MVB12B: variants seen among roughly 807,000 people sequenced by gnomAD.
The protein encoded by MVB12B is multivesicular body subunit 12B.
In MVB12B, 16 loss-of-function variants were observed where a neutral mutation model predicts 41.6. That is an observed-to-expected ratio of 0.38 (90% confidence interval 0.26 to 0.58). The LOEUF (loss-of-function observed/expected upper bound fraction) is 0.58. Ranked by LOEUF, MVB12B falls within the 20% of genes least tolerant of loss-of-function variation. MVB12B has a pLI of 0.62. For synonymous variants in MVB12B, 133 were observed against 139.7 expected (o/e 0.95, Z 0.34); for missense variants, 274 against 380.2 (o/e 0.72, Z 2.32).
chr9:126,448,167 GC>G (rs1832825339), intron 7 of MVB12B: 1 of 154,712 alleles, frequency 6.5e-6, no homozygotes, highest in Non-Finnish European at 1.4e-5. Context: ...CTCCCTGGCA[GC>G]TCCTGTCCTC....
At chr9:126,424,641 C>T (rs367773270) in intron 7 of MVB12B, among the ~76,000 whole-genome samples, 2 of 152,372 alleles carry the variant, frequency 1.3e-5, no homozygotes, top group African/African-American at 4.8e-5. Flanking sequence ...AGACACTGTG[C>T]ATTCTGCCGA....
At chr9:126,423,816 C>T (rs1206414201) in intron 7 of MVB12B, among the ~76,000 whole-genome samples, 1 of 152,244 alleles carries the variant, frequency 6.6e-6, no homozygotes, top group East Asian at 1.9e-4. Flanking sequence ...GACCACCTCC[C>T]TTACCCCCAT....
In MVB12B at chr9:126,489,137, C is replaced by T. The variant is rs188623726; in HGVS notation, c.873+5105C>T. 4.6e-5 allele frequency among the ~76,000 whole-genome samples: 7 copies of T among 152,340 alleles called. No individual in the cohort carries two copies. The East Asian group carries it at 9.6e-4, about 21-fold the overall frequency. Reference sequence around the variant, plus strand: ...CTCCTGGGCCCGGACAGCCAGGCTGCCCTGGAGAACTGGAAGGGGAATGAG... The same window carrying T: ...CTCCTGGGCCCGGACAGCCAGGCTGTCCTGGAGAACTGGAAGGGGAATGAG... On this transcript the variant is annotated intron_variant, in intron 9 of 9. Transcript: ENST00000361171.
At chr9:126,363,430 C>T (rs1231983509) in intron 2 of MVB12B, among the ~76,000 whole-genome samples, 2 of 152,024 alleles carry the variant, frequency 1.3e-5, no homozygotes, top group Non-Finnish European at 2.9e-5. Flanking sequence ...GACCTGTGGA[C>T]TAAGCAAATA....
intron 9 of MVB12B, among the ~76,000 whole-genome samples, chr9:126,496,280 CCCTTCCACCCAT>C (rs1483187964): frequency 1.4e-5 from 2 of 138,766 alleles, no homozygotes; most frequent in African/African-American, 5.5e-5. Context: ...GCCCCACCCA[CCCTTCCACCCAT>C]CCATACACCT....
intron 7 of MVB12B, among the ~76,000 whole-genome samples, chr9:126,471,557 G>A (rs1833315970): frequency 6.6e-6 from 1 of 152,188 alleles, no homozygotes; most frequent in South Asian, 2.1e-4. Context: ...CAGCTCTGGA[G>A]GCATCTACAA....
At chr9:126,401,114 G>A (rs914197977) in intron 6 of MVB12B, among the ~76,000 whole-genome samples, 1 of 152,152 alleles carries the variant, frequency 6.6e-6, no homozygotes, top group African/African-American at 2.4e-5. Flanking sequence ...ACAGACCCCA[G>A]GCCATGGGCA....
intron 6 of MVB12B, among the ~76,000 whole-genome samples, chr9:126,418,676 C>T (rs114797598): frequency 3.6e-4 from 55 of 152,276 alleles, no homozygotes; most frequent in African/African-American, 1.1e-3. Context: ...CACCGTCTTC[C>T]TGGCCTTCTA....
intron 9 of MVB12B, 81 bp downstream of exon 9, chr9:126,484,113 A>C: frequency 7.4e-7 from 1 of 1,342,794 alleles, no homozygotes; most frequent in South Asian, 1.2e-5. Context: ...TCCCCTAGGG[A>C]TCCACTCCAA....
chr9:126,457,683 G>A (rs1253808508), intron 7 of MVB12B, among the ~76,000 whole-genome samples: 2 of 152,044 alleles, frequency 1.3e-5, no homozygotes, highest in Non-Finnish European at 2.9e-5. Flanking sequence ...TCCGCATTTT[G>A]TCACACCTCA....
rs1588196024 is a variant in MVB12B, at chr9:126,468,595, A to T, written c.758-12774A>T. 6.6e-6 allele frequency among the ~76,000 whole-genome samples: 1 copy of T among 151,820 alleles called. No homozygotes were observed. Among genetic ancestry groups the T allele is most frequent in the East Asian group, 1.9e-4 (1 of 5,136 alleles). ...AAATGTCCCTTGGCCTTCCCCAGCC[A>T]CTCCATTCTTACTGCCACTGCCCTC... On this transcript the variant is annotated intron_variant, in intron 7 of 9. Transcript: ENST00000361171. This position sits in a 1 kb window ranked among gnomAD's most constrained non-coding sequence, Gnocchi z 4.3.
intron 1 of MVB12B, among the ~76,000 whole-genome samples, chr9:126,332,957 C>T (rs997172687): frequency 6.6e-5 from 10 of 152,188 alleles, no homozygotes; most frequent in African/African-American, 2.2e-4. Flanking sequence ...TATGTGTGCA[C>T]GAGTGCATGT....
chr9:126,385,523 GTTGCTGTCCAGGGCAGAGTGA>G (rs1187074119), intron 3 of MVB12B, among the ~76,000 whole-genome samples: 1 of 152,188 alleles, frequency 6.6e-6, no homozygotes, highest in Non-Finnish European at 1.5e-5. Flanking sequence ...AGCCTGAGAA[GTTGCTGTCCAGGGCAGAGTGA>G]TGGCTGACCA....
chr9:126,432,764 T>A (rs1179779789), intron 7 of MVB12B, among the ~76,000 whole-genome samples: 1 of 152,164 alleles, frequency 6.6e-6, no homozygotes, highest in Non-Finnish European at 1.5e-5. Context: ...CTGCAGACAT[T>A]GAGCTCGAAA....
chr9:126,482,360 C>T (rs963435132), intron 8 of MVB12B, among the ~76,000 whole-genome samples: 1 of 152,266 alleles, frequency 6.6e-6, no homozygotes, highest in South Asian at 2.1e-4. Context: ...TAAAACCACC[C>T]GGCTTGCGAT....
chr9:126,350,932 G>A (rs1829729044), intron 2 of MVB12B, among the ~76,000 whole-genome samples: 1 of 152,094 alleles, frequency 6.6e-6, no homozygotes, highest in Admixed American at 6.6e-5. Flanking sequence ...AACTTGTTGG[G>A]GTTTTAATGG....
chr9:126,382,964 G>A (rs1244964566), intron 3 of MVB12B, among the ~76,000 whole-genome samples: 2 of 152,216 alleles, frequency 1.3e-5, no homozygotes, highest in African/African-American at 2.4e-5. Context: ...GAGGACAAGG[G>A]CAGTGTGAAA....
At chr9:126,356,688 A>G (rs538458538) in intron 2 of MVB12B, among the ~76,000 whole-genome samples, 26 of 152,102 alleles carry the variant, frequency 1.7e-4, no homozygotes, top group Non-Finnish European at 3.1e-4. Context: ...GCCTGGTGGG[A>G]GGTGATTGGA....
chr9:126,401,872 C>T (rs1474322009), intron 6 of MVB12B, among the ~76,000 whole-genome samples: 1 of 152,232 alleles, frequency 6.6e-6, no homozygotes, highest in Non-Finnish European at 1.5e-5. Flanking sequence ...CCTTGTTGTC[C>T]ACACTGACAG....
Sources: gnomAD v4.1 joint callset for allele counts (sites outside exome capture counted in the v4.1 genomes callset) on GRCh38, gnomAD v4.1.1 for gene constraint, Gnocchi (gnomAD v3.1) non-coding constraint, MANE v1.5 for transcripts, NCBI Gene and HGNC (gene_info 2026-07-23, HGNC 2026-07-21) for gene names.